PRKN: variants seen among roughly 807,000 people sequenced by gnomAD.
The protein encoded by PRKN is parkin RBR E3 ubiquitin protein ligase.
Under a neutral mutation model 59.5 loss-of-function variants are expected in PRKN, and 56 were observed. That is an observed-to-expected ratio of 0.94 (90% CI 0.76 to 1.18). The LOEUF (loss-of-function observed/expected upper bound fraction) is 1.18. PRKN is among the 50% of genes most tolerant of loss of function. PRKN has a pLI of 0.00. For synonymous variants in PRKN, 250 were observed against 222.1 expected, an observed-to-expected ratio of 1.13 and a Z score of -1.12; for missense variants, 657 against 596.4, an observed-to-expected ratio of 1.10 and a Z score of -1.06.
At chr6:162,719,331 T>A (rs1410543803) in intron 1 of PRKN, among the ~76,000 whole-genome samples, 1 of 152,120 alleles carries the variant, frequency 6.6e-6, no homozygotes, top group Admixed American at 6.5e-5. Context: ...ACCTCACTTG[T>A]GCTTAAATCT....
intron 7 of PRKN, among the ~76,000 whole-genome samples, chr6:161,714,653 C>A (rs1786897177): frequency 6.6e-6 from 1 of 152,152 alleles, no homozygotes; most frequent in Non-Finnish European, 1.5e-5. Context: ...TTTAAATGGC[C>A]ATTTAAGACC....
chr6:161,867,146 G>A (rs141881084), intron 6 of PRKN, among the ~76,000 whole-genome samples: 285 of 152,264 alleles, frequency 1.9e-3, no homozygotes, highest in Non-Finnish European at 2.3e-3. Flanking sequence ...TATATTGCGA[G>A]TTGATTTTGT....
intron 10 of PRKN, among the ~76,000 whole-genome samples, chr6:161,368,287 T>TTATATATATTTG (rs1554253525): frequency 2.3e-4 from 29 of 126,140 alleles, no homozygotes; most frequent in African/African-American, 1.0e-3. Context: ...ATGTATATAT[T>TTATATATATTTG]TATATATATT....
At chr6:161,637,746 A>C (rs539797902) in intron 7 of PRKN, among the ~76,000 whole-genome samples, 1 of 151,990 alleles carries the variant, frequency 6.6e-6, no homozygotes, top group Admixed American at 6.5e-5. Context: ...GGTTGGTAAA[A>C]AGTTAAGTTC....
At chr6:161,767,815 C>T (rs192256384) in intron 7 of PRKN, among the ~76,000 whole-genome samples, 2 of 152,090 alleles carry the variant, frequency 1.3e-5, no homozygotes, top group Admixed American at 6.5e-5. Flanking sequence ...AGGGGTCTTC[C>T]GGACACTGCA....
intron 9 of PRKN, among the ~76,000 whole-genome samples, chr6:161,521,187 T>A (rs538053548): frequency 6.8e-6 from 1 of 147,784 alleles, no homozygotes; most frequent in South Asian, 2.2e-4. Flanking sequence ...AGCAGGAGAC[T>A]TCTAGTTCTC....
At chr6:162,389,446 A>C (rs1023634456) in intron 2 of PRKN, among the ~76,000 whole-genome samples, 7 of 152,212 alleles carry the variant, frequency 4.6e-5, no homozygotes, top group African/African-American at 9.6e-5. Context: ...GTATCAAACA[A>C]TGATTAAAAG....
At chr6:162,021,438 A>AATATATATATATATATATAT (rs1193427302) in intron 5 of PRKN, among the ~76,000 whole-genome samples, 2 of 120,796 alleles carry the variant, frequency 1.7e-5, no homozygotes, top group African/African-American at 6.5e-5. Flanking sequence ...CATTACAGGG[A>AATATATATATATATATATAT]ATATATATAT....
At chr6:162,339,295 G>C (rs868377438) in intron 2 of PRKN, among the ~76,000 whole-genome samples, 154 of 143,432 alleles carry the variant, frequency 1.1e-3, no homozygotes, top group African/African-American at 3.8e-3. Flanking sequence ...GGAGGTGGGG[G>C]GGTCAGCCCC....
At chr6:162,594,966 A>C (rs1253127206) in intron 1 of PRKN, among the ~76,000 whole-genome samples, 1 of 152,082 alleles carries the variant, frequency 6.6e-6, no homozygotes, top group East Asian at 2.0e-4. Context: ...CGAGGTCAGG[A>C]GATCAAGACC....
Position 161,390,796 on chromosome 6 carries a change from G to A in PRKN, c.1084-3919C>T, listed in dbSNP as rs770831395. Among the ~76,000 whole-genome samples the A allele has an allele frequency of 3.3e-5, 5 of 152,126 alleles. No homozygotes were observed. Among genetic ancestry groups the A allele is most frequent in the Non-Finnish European group, 5.9e-5 (4 of 68,032 alleles). ...GAGCCACCGTGCCTGGCCAAGACGT[G>A]ATTATTTTTAAGAATAAAATAAAGC... On this transcript the variant is annotated intron_variant, in intron 9 of 11. Transcript: ENST00000366898. This position sits in a 1 kb window ranked among gnomAD's most constrained non-coding sequence, Gnocchi z 7.0.
At chr6:162,206,794 C>T (rs1784962631) in intron 3 of PRKN, among the ~76,000 whole-genome samples, 1 of 152,122 alleles carries the variant, frequency 6.6e-6, no homozygotes, top group Admixed American at 6.5e-5. Flanking sequence ...TGGGTGCTGG[C>T]CTTCAGCAGG....
chr6:161,468,379 G>A lies in PRKN; in HGVS notation c.1083+80475C>T, dbSNP rs950724686. Among the ~76,000 whole-genome samples the A allele has an allele frequency of 7.9e-5, 12 of 151,934 alleles. No homozygotes were observed. Among genetic ancestry groups the A allele is most frequent in the Admixed American group, 6.5e-4 (10 of 15,268 alleles). On this transcript the variant is annotated intron_variant, in intron 9 of 11. Transcript: ENST00000366898. This position sits in a 1 kb window ranked among gnomAD's most constrained non-coding sequence, Gnocchi z 5.9. Reference sequence around the variant, plus strand: ...TGTAGACAGGAAGAGAGAAGAGGCAGTGGGTCTGGGAAAATACTCAGCCTT... The same window carrying A: ...TGTAGACAGGAAGAGAGAAGAGGCAATGGGTCTGGGAAAATACTCAGCCTT...
intron 7 of PRKN, among the ~76,000 whole-genome samples, chr6:161,708,169 G>A (rs1786587568): frequency 6.6e-6 from 1 of 152,058 alleles, no homozygotes; most frequent in African/African-American, 2.4e-5. Flanking sequence ...TTAGTGAGAA[G>A]ACCAGAATAT....
intron 2 of PRKN, among the ~76,000 whole-genome samples, chr6:162,289,846 A>G (rs1298649020): frequency 6.6e-6 from 1 of 152,078 alleles, no homozygotes; most frequent in Non-Finnish European, 1.5e-5. Context: ...CCCAATTTCA[A>G]TAGCCGTGGG....
At chr6:162,648,435 G>A (rs2128226025) in intron 1 of PRKN, among the ~76,000 whole-genome samples, 1 of 150,474 alleles carries the variant, frequency 6.6e-6, no homozygotes, top group African/African-American at 2.4e-5. Context: ...AAGCTGGAGT[G>A]CAGTGGTGCC....
rs1385133724 is a variant in PRKN, at chr6:161,402,749, G to A, written c.1084-15872C>T. ...GGGGCTTGGGGATTCTTGTGAGGGG[G>A]AGGAGGTTAGAGGAGGGCAAGGAGA... On this transcript the variant is annotated intron_variant, in intron 9 of 11. Coordinates refer to ENST00000366898, the MANE Select transcript of PRKN (RefSeq NM_004562.3). The surrounding 1 kb of genome is among the most constrained non-coding windows in gnomAD (Gnocchi z 4.5). Among the ~76,000 whole-genome samples the A allele has an allele frequency of 1.3e-5, 2 of 152,052 alleles. No homozygotes were observed. Among genetic ancestry groups the A allele is most frequent in the African/African-American group, 2.4e-5 (1 of 41,382 alleles).
At chr6:161,640,305 T>G (rs1783691435) in intron 7 of PRKN, among the ~76,000 whole-genome samples, 1 of 152,178 alleles carries the variant, frequency 6.6e-6, no homozygotes, top group South Asian at 2.1e-4. Context: ...AAACTTGCTT[T>G]TCATTAGCTT....
chr6:162,379,034 TACTTTA>T (rs2128139791), intron 2 of PRKN, among the ~76,000 whole-genome samples: 1 of 152,332 alleles, frequency 6.6e-6, no homozygotes, highest in African/African-American at 2.4e-5. Context: ...TTTATTCAAA[TACTTTA>T]AATAGATCAA....
Sources: gnomAD v4.1 joint callset for allele counts (sites outside exome capture counted in the v4.1 genomes callset) on GRCh38, gnomAD v4.1.1 for gene constraint, Gnocchi (gnomAD v3.1) non-coding constraint, MANE v1.5 for transcripts, NCBI Gene and HGNC (gene_info 2026-07-23, HGNC 2026-07-21) for gene names.